Variants in ASIC1 observed in about 807,000 individuals in gnomAD.
ASIC1 encodes the protein acid sensing ion channel subunit 1.
Under a neutral mutation model 63.4 loss-of-function variants are expected in ASIC1, and 21 were observed. That is an observed-to-expected ratio of 0.33 (90% CI 0.23 to 0.48). The LOEUF is 0.48. ASIC1 is among the 20% of genes least tolerant of loss of function. ASIC1 has a pLI of 0.99. For missense variants in ASIC1, 478 were observed against 695.5 expected (o/e 0.69, Z 3.52); for synonymous variants, 258 against 278.2 (o/e 0.93, Z 0.72).
chr12:50,078,905 T>G lies in ASIC1; in HGVS notation c.995-19T>G. 1.2e-6 allele frequency: 2 copies of G among 1,612,508 alleles called. No individual in the cohort carries two copies. The highest frequency in any genetic ancestry group is 3.3e-4 in the Middle Eastern group (2 of 6,062). ...CCCTTGAATTCCCATCCTGCATCAT[T>G]GTCTTTTCTCCTCTGTAGGGGATGC... On this transcript the variant is annotated intron_variant, in intron 6 of 11. Coordinates refer to ENST00000447966, the MANE Select transcript of ASIC1 (RefSeq NM_001095.4). The surrounding 1 kb of genome is among the most constrained non-coding windows in gnomAD (Gnocchi z 6.0).
chr12:50,080,448 A>C lies in ASIC1; in HGVS notation c.1206-50A>C, dbSNP rs760912039. The C allele has an allele frequency of 2.6e-6, 4 of 1,564,460 alleles. No homozygotes were observed. In the South Asian group the frequency reaches 4.5e-5, roughly 18 times the overall value. ...TTGCCAAGGTCACCTGGTTAGTAAG[A>C]GATAGAGATATGACTTGAACCTAGG... On this transcript the variant is annotated intron_variant, in intron 8 of 11. Coordinates refer to ENST00000447966, the MANE Select transcript of ASIC1 (RefSeq NM_001095.4).
rs940015286 is a variant in ASIC1, at chr12:50,082,086, G to A, written c.*437G>A. On this transcript the variant is annotated 3_prime_UTR_variant, in exon 12 of 12. Coordinates refer to ENST00000447966, the MANE Select transcript of ASIC1 (RefSeq NM_001095.4). ...AAACCAGAGAATGTACCTTAAGGGG[G>A]AGGGCTAGTGTGGGGGAGGGAGGCT... 1.7e-5 allele frequency: 3 copies of A among 175,130 alleles called. No individual in the cohort carries two copies. The highest frequency in any genetic ancestry group is 3.6e-5 in the Non-Finnish European group (3 of 82,520). 10.8% of individuals were successfully genotyped at this position (175,130 alleles called of 1,614,324 possible). A position where few individuals can be genotyped will look rare whatever the true frequency, so the allele number is the denominator to read the frequency against.
rs1304568754 is a variant in ASIC1, at chr12:50,061,337, C to G, written c.558+1383C>G. Among the ~76,000 whole-genome samples the G allele has an allele frequency of 1.3e-5, 2 of 152,222 alleles. 1 individual carries two copies. The highest frequency in any genetic ancestry group is 1.3e-4 in the Admixed American group (2 of 15,282). ...GCAGACCAGTTTCACTGGCCTTTGTCAATCCTGCTGGACAAAGTTCACATG... is the reference window on the plus strand; with the variant it reads ...GCAGACCAGTTTCACTGGCCTTTGTGAATCCTGCTGGACAAAGTTCACATG... On this transcript the variant is annotated intron_variant, in intron 3 of 11. Coordinates refer to ENST00000447966, the MANE Select transcript of ASIC1 (RefSeq NM_001095.4).
intron 3 of ASIC1, among the ~76,000 whole-genome samples, chr12:50,067,357 T>A (rs1393152958): frequency 1.3e-5 from 2 of 152,096 alleles, no homozygotes; most frequent in Non-Finnish European, 2.9e-5. Context: ...TTTTTATTAT[T>A]CTTGATCTCT....
chr12:50,078,330 C>A lies in ASIC1; in HGVS notation c.838-91C>A, dbSNP rs186246026. 480 of 1,557,362 alleles carry A rather than the reference C, an allele frequency of 3.1e-4. 1 individual carries two copies. The African/African-American group carries it at 4.9e-3, about 16-fold the overall frequency. ...GCTGCAGAGGGAGAGGGGAGCAGAA[C>A]TCCAGAGATCTGCATCTTGTCAGAG... On this transcript the variant is annotated intron_variant, in intron 5 of 11. Coordinates refer to ENST00000447966, the MANE Select transcript of ASIC1 (RefSeq NM_001095.4). This position sits in a 1 kb window ranked among gnomAD's most constrained non-coding sequence, Gnocchi z 6.0.
chr12:50,058,348 AC>A (rs1175547081), intron 1 of ASIC1, among the ~76,000 whole-genome samples: 3 of 152,086 alleles, frequency 2.0e-5, no homozygotes, highest in Middle Eastern at 3.4e-3. Flanking sequence ...GGAGCTCCTT[AC>A]CCCGGGGTCA....
At chr12:50,077,708 A>T (rs1950670974) in intron 4 of ASIC1, among the ~76,000 whole-genome samples, 1 of 152,104 alleles carries the variant, frequency 6.6e-6, no homozygotes. Context: ...GAGTGGGAGA[A>T]ATGGAGAGCA....
chr12:50,058,712 C>G (rs1950470346), intron 1 of ASIC1, 39 bp from the exon 2 acceptor site: 2 of 1,531,850 alleles, frequency 1.3e-6, no homozygotes, highest in African/African-American at 2.7e-5. Context: ...GTACTTTCAT[C>G]CCAGGACAAT....
chr12:50,082,632 C>T lies in ASIC1; in HGVS notation c.*983C>T, dbSNP rs561412960. ...GTCTCCACCCCATCCCCTCTTGTCT[C>T]TGAGAACCATTCTCCCACCCCAAGT... On this transcript the variant is annotated 3_prime_UTR_variant, in exon 12 of 12. Transcript: ENST00000447966. 1 of 152,818 alleles carries T rather than the reference C, an allele frequency of 6.5e-6. No homozygotes were observed. Among genetic ancestry groups the T allele is most frequent in the African/African-American group, 2.4e-5 (1 of 41,556 alleles). The allele number at this position is 152,818 out of a possible 1,614,324, so 9.5% of individuals were successfully genotyped here.
chr12:50,058,711 T>C (rs1950470309), intron 1 of ASIC1, 40 bp from the exon 2 acceptor site: 1 of 1,532,048 alleles, frequency 6.5e-7, no homozygotes, highest in African/African-American at 1.4e-5. Context: ...TGTACTTTCA[T>C]CCCAGGACAA....
Position 50,059,688 on chromosome 12 carries a change from C to T in ASIC1, c.363-71C>T. ...TGATCCCCAGGGCTGGAGGCTGCCC[C>T]CATCACCCAAGTTGGGTGCAGGACA... On this transcript the variant is annotated intron_variant, in intron 2 of 11. Coordinates refer to ENST00000447966, the MANE Select transcript of ASIC1 (RefSeq NM_001095.4). The surrounding 1 kb of genome is among the most constrained non-coding windows in gnomAD (Gnocchi z 4.6). 1 of 1,512,558 alleles carries T rather than the reference C, an allele frequency of 6.6e-7. No individual in the cohort carries two copies. Among genetic ancestry groups the T allele is most frequent in the South Asian group, 1.2e-5 (1 of 80,142 alleles). The allele number at this position is 1,512,558 out of a possible 1,614,324, so 93.7% of individuals were successfully genotyped here.
intron 3 of ASIC1, among the ~76,000 whole-genome samples, chr12:50,065,427 C>G (rs1026882804): frequency 2.6e-5 from 4 of 152,178 alleles, no homozygotes; most frequent in Non-Finnish European, 5.9e-5. Context: ...AGCCCAATCT[C>G]CTGTAAGGAG....
intron 3 of ASIC1, chr12:50,070,965 T>G (rs1950593416): frequency 6.5e-6 from 1 of 152,710 alleles, no homozygotes; most frequent in Admixed American, 6.5e-5. Flanking sequence ...CCTTCCTTGC[T>G]TCCTGTTCCT....
In ASIC1 at chr12:50,078,370, G is replaced by A; in HGVS notation, c.838-51G>A. 6.2e-7 allele frequency: 1 copy of A among 1,605,732 alleles called. No homozygotes were observed. The highest frequency in any genetic ancestry group is 8.5e-7 in the Non-Finnish European group (1 of 1,175,082). On this transcript the variant is annotated intron_variant, in intron 5 of 11. Transcript: ENST00000447966. This position sits in a 1 kb window ranked among gnomAD's most constrained non-coding sequence, Gnocchi z 6.0. ...TCTTGTCAGAGGAGTCCATCAAGCT[G>A]ATTTGGGGAGAAGTCCCCGCACTCC...
intron 3 of ASIC1, among the ~76,000 whole-genome samples, chr12:50,065,069 C>A (rs146484681): frequency 7.2e-5 from 11 of 152,294 alleles, no homozygotes; most frequent in African/African-American, 2.6e-4. Flanking sequence ...CCAAACTCAG[C>A]CTCTCGGAAA....
At position 50,081,269 on chromosome 12, in the gene ASIC1, C is replaced by T; in HGVS notation, c.1387C>T (p.His463Tyr). Residue 463 changes from histidine to tyrosine, a missense_variant, in exon 11 of 12, where the codon CAC becomes TAC. By Grantham distance (83) the His-to-Tyr change is moderately conservative. Around this residue, in one of 3 missense-constraint regions of ASIC1, gnomAD observed 104 missense variants for 97.0 expected, o/e 1.07. Coordinates refer to ENST00000447966, the MANE Select transcript of ASIC1 (RefSeq NM_001095.4). ...CCCGTCCCCGTCCTAGGTCATTAAGCACAAGCTGTGCCGACGAGGAAAATG... is the reference window on the plus strand; with the variant it reads ...CCCGTCCCCGTCCTAGGTCATTAAGTACAAGCTGTGCCGACGAGGAAAATG... ...LFDYAYEVIK[H>Y]KLCRRGKCQK... The T allele has an allele frequency of 1.2e-6, 2 of 1,608,580 alleles. No homozygotes were observed. Among genetic ancestry groups the T allele is most frequent in the Non-Finnish European group, 1.7e-6 (2 of 1,177,578 alleles).
In ASIC1 at chr12:50,074,081, G is replaced by A. The variant is rs1162434305; in HGVS notation, c.559-3132G>A. The A allele has an allele frequency of 4.6e-6, 7 of 1,535,276 alleles. No individual in the cohort carries two copies. Among genetic ancestry groups the A allele is most frequent in the Non-Finnish European group, 6.1e-6 (7 of 1,146,434 alleles). The stretch of plus-strand genomic sequence containing the variant: ...GCCCCCATGCTGGGACTGGATGAAA[G>A]TGATGACCCCGGGGTGCCCCTCGCT... On this transcript the variant is annotated intron_variant, in intron 3 of 11. Transcript: ENST00000447966. This position sits in a 1 kb window ranked among gnomAD's most constrained non-coding sequence, Gnocchi z 4.2.
Position 50,080,493 on chromosome 12 carries a change from T to G in ASIC1, c.1206-5T>G. ...CCTAGGTCTCCTCCCCCAATCCCTG[T>G]GCAGGGAGAACATCCTGGTGCTGGA... On this transcript the variant is annotated splice_polypyrimidine_tract_variant and splice_region_variant and intron_variant, in intron 8 of 11. Coordinates refer to ENST00000447966, the MANE Select transcript of ASIC1 (RefSeq NM_001095.4). The G allele has an allele frequency of 6.2e-7, 1 of 1,613,210 alleles. No homozygotes were observed. Among genetic ancestry groups the G allele is most frequent in the East Asian group, 2.2e-5 (1 of 44,888 alleles).
At position 50,074,057 on chromosome 12, in the gene ASIC1, C is replaced by A; in HGVS notation, c.559-3156C>A. 2.6e-6 allele frequency: 4 copies of A among 1,534,452 alleles called. No homozygotes were observed. The highest frequency in any genetic ancestry group is 3.5e-6 in the Non-Finnish European group (4 of 1,145,820). On this transcript the variant is annotated intron_variant, in intron 3 of 11. Coordinates refer to ENST00000447966, the MANE Select transcript of ASIC1 (RefSeq NM_001095.4). This position sits in a 1 kb window ranked among gnomAD's most constrained non-coding sequence, Gnocchi z 4.2. ...AGCTACCCTGACTTGCTTTATTTGGCCCCCATGCTGGGACTGGATGAAAGT... is the reference window on the plus strand; with the variant it reads ...AGCTACCCTGACTTGCTTTATTTGGACCCCATGCTGGGACTGGATGAAAGT...
Sources: gnomAD v4.1 joint callset for allele counts (sites outside exome capture counted in the v4.1 genomes callset) on GRCh38, gnomAD v4.1.1 for gene constraint, gnomAD v4.1.1 regional missense constraint, Gnocchi (gnomAD v3.1) non-coding constraint, MANE v1.5 for transcripts, NCBI Gene and HGNC (gene_info 2026-07-23, HGNC 2026-07-21) for gene names.